The following SEMA6D variants were observed in gnomAD, a reference collection of about 807,000 sequenced individuals.
SEMA6D encodes the protein semaphorin-6D.
Under a neutral mutation model 106.6 loss-of-function variants are expected in SEMA6D, and 35 were observed. The observed-to-expected ratio is 0.33, with a 90% CI of 0.25 to 0.44. The LOEUF is 0.44. SEMA6D is among the 20% of genes least tolerant of loss of function. The pLI, the probability that SEMA6D is intolerant of heterozygous loss-of-function variation, is 1.00. For synonymous variants in SEMA6D, 499 were observed against 487.7 expected (o/e 1.02, Z -0.31); for missense variants, 1,185 against 1,345.9 (o/e 0.88, Z 1.87).
At chr15:47,661,310 CAAAAT>C in intron 4 of SEMA6D, among the ~76,000 whole-genome samples, 1 of 152,276 alleles carries the variant, frequency 6.6e-6, no homozygotes, top group South Asian at 2.1e-4. Flanking sequence ...TGAACAAAAA[CAAAAT>C]AAAAGTTGGT....
At chr15:47,361,536 A>G (rs560111365) in intron 1 of SEMA6D, among the ~76,000 whole-genome samples, 3 of 152,320 alleles carry the variant, frequency 2.0e-5, no homozygotes, top group African/African-American at 7.2e-5. Flanking sequence ...TTTCAGCTCA[A>G]ATCTAAGTAA....
At chr15:47,602,757 C>T (rs1206777947) in intron 4 of SEMA6D, among the ~76,000 whole-genome samples, 1 of 152,110 alleles carries the variant, frequency 6.6e-6, no homozygotes, top group Non-Finnish European at 1.5e-5. Context: ...TGTAAAGATG[C>T]AAAACACCAT....
rs1314155674 is a variant in SEMA6D at position 47,576,961 on chromosome 15, T to C, written c.-86-23904T>C. Among the ~76,000 whole-genome samples the C allele has an allele frequency of 2.6e-5, 4 of 152,344 alleles. No homozygotes were observed. The East Asian group carries it at 7.7e-4, about 29-fold the overall frequency. On this transcript the variant is annotated intron_variant, in intron 3 of 19. Transcript: ENST00000558014. ...ACCTACAGAAATACATCTTGGTACT[T>C]ATGCACACATGGAATGCTTGCTATT...
chr15:47,218,441 T>C (rs2030871892), intron 1 of SEMA6D, among the ~76,000 whole-genome samples: 1 of 152,170 alleles, frequency 6.6e-6, no homozygotes. Context: ...AACCACCATC[T>C]ATAAAATTGT....
intron 1 of SEMA6D, among the ~76,000 whole-genome samples, chr15:47,390,548 A>G (rs1307605096): frequency 3.4e-5 from 5 of 146,900 alleles, no homozygotes; most frequent in African/African-American, 1.3e-4. Flanking sequence ...TGAATTGCTC[A>G]CCTTGAACCA....
intron 3 of SEMA6D, among the ~76,000 whole-genome samples, chr15:47,552,419 A>G (rs2045724351): frequency 6.6e-6 from 1 of 151,640 alleles, no homozygotes. Flanking sequence ...TTTTAGCAAT[A>G]AAAAGGAAAG....
intron 3 of SEMA6D, among the ~76,000 whole-genome samples, chr15:47,498,273 G>A (rs1319205810): frequency 6.6e-6 from 1 of 152,122 alleles, no homozygotes; most frequent in Non-Finnish European, 1.5e-5. Flanking sequence ...AATGGGGACA[G>A]TAGAACTTAT....
intron 1 of SEMA6D, among the ~76,000 whole-genome samples, chr15:47,347,136 G>A (rs607473): frequency 0.47 from 70,685 of 151,652 alleles, 19,538 homozygotes; most frequent in South Asian, 0.61. Context: ...TTGAATTCCT[G>A]ACCTCAGGAG....
At chr15:47,195,880 C>T (rs1595724705) in intron 1 of SEMA6D, among the ~76,000 whole-genome samples, 1 of 152,098 alleles carries the variant, frequency 6.6e-6, no homozygotes, top group Admixed American at 6.5e-5. Context: ...AGGAAAGGCT[C>T]ACCTACAGAT....
chr15:47,322,663 T>G (rs577823559), intron 1 of SEMA6D, among the ~76,000 whole-genome samples: 1 of 152,150 alleles, frequency 6.6e-6, no homozygotes, highest in Non-Finnish European at 1.5e-5. Flanking sequence ...GAAGGGCCTA[T>G]TTTTCTATTT....
chr15:47,382,992 C>A (rs2039696723), intron 1 of SEMA6D, among the ~76,000 whole-genome samples: 1 of 152,182 alleles, frequency 6.6e-6, no homozygotes, highest in South Asian at 2.1e-4. Flanking sequence ...TCTCAAACCC[C>A]TAATCTCAGG....
intron 1 of SEMA6D, among the ~76,000 whole-genome samples, chr15:47,382,790 C>T (rs534103982): frequency 6.6e-6 from 1 of 152,134 alleles, no homozygotes; most frequent in African/African-American, 2.4e-5. Context: ...AGACAAGTGA[C>T]GGAGTCTTGT....
chr15:47,387,594 T>C (rs935562119), intron 1 of SEMA6D, among the ~76,000 whole-genome samples: 1 of 152,256 alleles, frequency 6.6e-6, no homozygotes, highest in Non-Finnish European at 1.5e-5. Flanking sequence ...CATTTATTTC[T>C]TCTAATTATA....
chr15:47,627,864 C>G (rs1426849861), intron 4 of SEMA6D, among the ~76,000 whole-genome samples: 1 of 152,056 alleles, frequency 6.6e-6, no homozygotes, highest in African/African-American at 2.4e-5. Flanking sequence ...GACCACTGAC[C>G]CCTGACTCTG....
At chr15:47,236,639 G>T (rs1183437109) in intron 1 of SEMA6D, among the ~76,000 whole-genome samples, 1 of 152,114 alleles carries the variant, frequency 6.6e-6, no homozygotes, top group African/African-American at 2.4e-5. Flanking sequence ...GATGAATCCT[G>T]CTGTTGCTAG....
intron 1 of SEMA6D, among the ~76,000 whole-genome samples, chr15:47,281,624 C>G (rs946180108): frequency 9.2e-5 from 14 of 152,116 alleles, no homozygotes; most frequent in African/African-American, 3.4e-4. Flanking sequence ...TTCCTAGTCT[C>G]AATGGTCTTT....
chr15:47,421,917 A>G (rs567535369), intron 2 of SEMA6D, among the ~76,000 whole-genome samples: 2 of 152,192 alleles, frequency 1.3e-5, no homozygotes, highest in South Asian at 4.2e-4. Context: ...AATCAATTTA[A>G]TAAAATAAAA....
intron 1 of SEMA6D, among the ~76,000 whole-genome samples, chr15:47,222,319 A>C (rs1459125744): frequency 6.6e-6 from 1 of 152,198 alleles, no homozygotes; most frequent in Non-Finnish European, 1.5e-5. Flanking sequence ...CCTGAGTCCC[A>C]CTGGGTACAG....
At chr15:47,585,193 A>G (rs895237264) in intron 3 of SEMA6D, among the ~76,000 whole-genome samples, 1 of 152,212 alleles carries the variant, frequency 6.6e-6, no homozygotes, top group African/African-American at 2.4e-5. Context: ...AACCCTGCAC[A>G]AAGGTCTTAC....
Sources: allele counts gnomAD v4.1 joint callset (sites outside exome capture counted in the v4.1 genomes callset), GRCh38; gene constraint gnomAD v4.1.1; transcripts MANE v1.5; gene names NCBI Gene and HGNC (gene_info 2026-07-23, HGNC 2026-07-21).